Variants in SLC41A2 observed in about 807,000 individuals in gnomAD.
The protein encoded by SLC41A2 is solute carrier family 41 member 2, also known as SLC41A1-like 1.
In SLC41A2, 32 loss-of-function variants were observed where a neutral mutation model predicts 58.3. The observed-to-expected ratio is 0.55, with a 90% confidence interval of 0.41 to 0.74. The LOEUF (loss-of-function observed/expected upper bound fraction) is 0.74. SLC41A2 is among the 30% of genes least tolerant of loss of function. The pLI is 0.00. For synonymous variants in SLC41A2, 190 were observed against 235.0 expected (o/e 0.81, Z 1.75); for missense variants, 514 against 680.6 (o/e 0.76, Z 2.72).
chr12:104,837,014 C>T (rs1259511107), intron 10 of SLC41A2, among the ~76,000 whole-genome samples: 1 of 152,126 alleles, frequency 6.6e-6, no homozygotes, highest in Non-Finnish European at 1.5e-5. Context: ...TGAGTGATAG[C>T]TAGGGTCACT....
chr12:104,818,988 G>A (rs1288408099), intron 10 of SLC41A2, among the ~76,000 whole-genome samples: 2 of 152,022 alleles, frequency 1.3e-5, no homozygotes, highest in East Asian at 3.8e-4. Flanking sequence ...TATAAAATCT[G>A]AAAAAACACA....
chr12:104,878,002 C>A (rs1037771421), intron 6 of SLC41A2, among the ~76,000 whole-genome samples: 1 of 151,796 alleles, frequency 6.6e-6, no homozygotes, highest in African/African-American at 2.4e-5. Flanking sequence ...GAGCAAGACT[C>A]TGTCTCAAAA....
At chr12:104,938,061 G>A (rs550863878) in intron 1 of SLC41A2, among the ~76,000 whole-genome samples, 14 of 151,982 alleles carry the variant, frequency 9.2e-5, no homozygotes, top group African/African-American at 2.9e-4. Flanking sequence ...ACTGTACACC[G>A]GAAGACACAT....
rs2040763341 is a variant in SLC41A2, at chr12:104,803,324, T to G, written c.*1828A>C. ...AAACTTATTCTTTCTTTTATAAGAA[T>G]GTTCACTATGTAACATTATAACTCT... On this transcript the variant is annotated 3_prime_UTR_variant, in exon 11 of 11. Transcript: ENST00000258538. 1 of 152,192 alleles carries G rather than the reference T, an allele frequency of 6.6e-6. No individual in the cohort carries two copies. The highest frequency in any genetic ancestry group is 2.4e-5 in the African/African-American group (1 of 41,464). The allele number at this position is 152,192 out of a possible 1,614,324, so 9.4% of individuals were successfully genotyped here. A position where few individuals can be genotyped will look rare whatever the true frequency, so the allele number is the denominator to read the frequency against.
rs772790316 is a variant in SLC41A2 at position 104,805,330 on chromosome 12, G to A, written c.1544C>T (p.Thr515Ile). ...YLFGAVLQVF[T>I]LLWIADWMVH... is the part of the protein sequence containing the mutation. ...CATCCAGTCAGCAATCCACAGCAAG[G>A]TAAATACCTAGAAGAGAACAACAGA... Residue 515 changes from threonine (T) to isoleucine (I), a missense_variant, in exon 11 of 11, where the codon ACC becomes ATC. Thr to Ile is a moderately conservative substitution (Grantham distance 89, BLOSUM62 -1). Around this residue, in one of 3 missense-constraint regions of SLC41A2, gnomAD observed 128 missense variants for 146.0 expected, o/e 0.88. Transcript: ENST00000258538. 43 of 1,612,844 alleles carry A rather than the reference G, an allele frequency of 2.7e-5. No individual in the cohort carries two copies. The highest frequency in any genetic ancestry group is 3.5e-5 in the Non-Finnish European group (41 of 1,179,452).
intron 8 of SLC41A2, among the ~76,000 whole-genome samples, chr12:104,851,420 G>T (rs1439707927): frequency 6.6e-6 from 1 of 151,816 alleles, no homozygotes; most frequent in Non-Finnish European, 1.5e-5. Context: ...GTCTTGTTCT[G>T]TCTCACAGGC....
intron 10 of SLC41A2, among the ~76,000 whole-genome samples, chr12:104,818,348 G>A (rs964329040): frequency 6.6e-6 from 1 of 152,020 alleles, no homozygotes; most frequent in African/African-American, 2.4e-5. Context: ...AGAACTTTTA[G>A]AAATAAAAAT....
chr12:104,937,368 T>C (rs941635839), intron 1 of SLC41A2, among the ~76,000 whole-genome samples: 63 of 152,244 alleles, frequency 4.1e-4, no homozygotes, highest in African/African-American at 1.4e-3. Flanking sequence ...TTTTTTATAC[T>C]GTGTTTTTAC....
chr12:104,913,276 C>T (rs1464002276), intron 2 of SLC41A2, among the ~76,000 whole-genome samples: 2 of 152,142 alleles, frequency 1.3e-5, no homozygotes, highest in Admixed American at 6.5e-5. Context: ...ACTGAGTTCT[C>T]GGCCAGGACA....
intron 2 of SLC41A2, among the ~76,000 whole-genome samples, chr12:104,909,996 A>G (rs1000859229): frequency 6.6e-6 from 1 of 152,148 alleles, no homozygotes; most frequent in African/African-American, 2.4e-5. Context: ...ATGTTGCTAC[A>G]ACCCATTCTA....
At chr12:104,940,898 C>T (rs2047485302) in intron 1 of SLC41A2, among the ~76,000 whole-genome samples, 1 of 149,296 alleles carries the variant, frequency 6.7e-6, no homozygotes, top group Non-Finnish European at 1.5e-5. Context: ...CTCAGGTGAT[C>T]CGCCTGCCTC....
chr12:104,890,094 C>T lies in SLC41A2; in HGVS notation c.736-917G>A, dbSNP rs78511771. On this transcript the variant is annotated intron_variant, in intron 4 of 10. Transcript: ENST00000258538. ...AGAGTTCTCTTTCTCTAGGCAAACA[C>T]AGAGGCACTCAATATTTTGAGTAGA... Among the ~76,000 whole-genome samples the T allele has an allele frequency of 8.6e-3, 1,302 of 152,262 alleles. 37 individuals carry two copies. In the East Asian group the frequency reaches 0.12, roughly 14 times the overall value.
At chr12:104,833,787 G>T (rs574471192) in intron 10 of SLC41A2, among the ~76,000 whole-genome samples, 4 of 147,134 alleles carry the variant, frequency 2.7e-5, no homozygotes, top group East Asian at 4.0e-4. Context: ...GTGTTTTGTT[G>T]TTTTTTTTTT....
At position 104,909,726 on chromosome 12, in the gene SLC41A2, T is replaced by C; in HGVS notation, c.592A>G (p.Ile198Val). The C allele has an allele frequency of 6.2e-7, 1 of 1,609,868 alleles. No individual in the cohort carries two copies. The highest frequency in any genetic ancestry group is 1.1e-5 in the South Asian group (1 of 89,974). ...EVFRKVTEVF[I>V]LVPALLGLKG... ...AGACCAAGAAGTGCAGGGACTAAAA[T>C]GAAAACTTCTGTAACTTTTCTGAAC... The change falls in exon 3 of 11, where the codon ATT (isoleucine) becomes GTT (valine). Residue 198 changes from isoleucine (I) to valine (V), a missense_variant. By Grantham distance (29) the Ile-to-Val change is conservative. Coordinates refer to ENST00000258538, the MANE Select transcript of SLC41A2 (RefSeq NM_001352171.3).
rs543323898 is a variant in SLC41A2 at position 104,913,838 on chromosome 12, G to A, written c.556-4076C>T. On this transcript the variant is annotated intron_variant, in intron 2 of 10. Coordinates refer to ENST00000258538, the MANE Select transcript of SLC41A2 (RefSeq NM_001352171.3). ...TGTAATCCCAGCACTCTGGAAGGCC[G>A]AGGCAGATGGATCACTTGAGGTCAG... 3.3e-5 allele frequency among the ~76,000 whole-genome samples: 5 copies of A among 152,296 alleles called. No homozygotes were observed. The East Asian group carries it at 7.7e-4, about 24-fold the overall frequency.
intron 10 of SLC41A2, among the ~76,000 whole-genome samples, chr12:104,808,263 G>A (rs908202646): frequency 3.3e-5 from 5 of 152,198 alleles, no homozygotes; most frequent in African/African-American, 1.2e-4. Context: ...TTTATTGAGA[G>A]TTTTTAGCAG....
intron 10 of SLC41A2, among the ~76,000 whole-genome samples, chr12:104,828,451 C>T (rs2041927355): frequency 6.6e-6 from 1 of 152,198 alleles, no homozygotes; most frequent in African/African-American, 2.4e-5. Context: ...AGGAGTCTAA[C>T]TGAGCTAACA....
chr12:104,836,660 C>G (rs549440290), intron 10 of SLC41A2, among the ~76,000 whole-genome samples: 1 of 152,194 alleles, frequency 6.6e-6, no homozygotes, highest in South Asian at 2.1e-4. Context: ...ATCTGGAAAC[C>G]TGAAGGAGAT....
intron 1 of SLC41A2, among the ~76,000 whole-genome samples, chr12:104,932,742 C>A (rs1050512199): frequency 6.7e-6 from 1 of 150,264 alleles, no homozygotes; most frequent in Non-Finnish European, 1.5e-5. Flanking sequence ...CAAATACAAC[C>A]AACTGATATT....
Sources: allele counts gnomAD v4.1 joint callset (sites outside exome capture counted in the v4.1 genomes callset), GRCh38; gene constraint gnomAD v4.1.1; regional missense constraint gnomAD v4.1.1; transcripts MANE v1.5; gene names NCBI Gene and HGNC (gene_info 2026-07-23, HGNC 2026-07-21).